Variants in NRG1 observed in about 807,000 individuals in gnomAD.
The protein encoded by NRG1 is pro-neuregulin-1, membrane-bound isoform.
A neutral mutation model predicts 63.8 loss-of-function variants in NRG1; 18 were observed. The observed-to-expected ratio is 0.28, with a 90% CI of 0.19 to 0.42. The LOEUF (loss-of-function observed/expected upper bound fraction) is 0.42. Ranked by LOEUF, NRG1 falls within the 10% of genes least tolerant of loss-of-function variation. The pLI is 1.00. For missense variants in NRG1, 762 were observed against 814.7 expected (o/e 0.94, Z 0.79); for synonymous variants, 302 against 301.3 (o/e 1.00, Z -0.02).
At chr8:32,015,997 T>C (rs866881191) in intron 1 of NRG1, among the ~76,000 whole-genome samples, 4 of 152,178 alleles carry the variant, frequency 2.6e-5, no homozygotes, top group African/African-American at 7.2e-5. Flanking sequence ...TTTGACATTG[T>C]AGTACAACAT....
At chr8:32,366,554 C>T (rs1451118106) in intron 1 of NRG1, among the ~76,000 whole-genome samples, 1 of 150,746 alleles carries the variant, frequency 6.6e-6, no homozygotes, top group East Asian at 1.9e-4. Flanking sequence ...GAATAGTAAT[C>T]CATTGTATGT....
At position 31,996,453 on chromosome 8, in the gene NRG1, C is replaced by T. The variant is rs188533164; in HGVS notation, c.37+357022C>T. Reference sequence around the variant, plus strand: ...TACTGACTTACTGGAAATCCCAGGCCGGGCACGGAGGTTCATTCCTGTAAT... The same window carrying T: ...TACTGACTTACTGGAAATCCCAGGCTGGGCACGGAGGTTCATTCCTGTAAT... On this transcript the variant is annotated intron_variant, in intron 1 of 10. Coordinates refer to the NRG1 transcript ENST00000519301. 1.1e-3 allele frequency among the ~76,000 whole-genome samples: 166 copies of T among 152,032 alleles called. 1 individual carries two copies. The South Asian group carries it at 0.016, about 15-fold the overall frequency.
intron 1 of NRG1, among the ~76,000 whole-genome samples, chr8:32,003,542 G>C (rs576331308): frequency 7.9e-5 from 12 of 152,010 alleles, no homozygotes. Context: ...GATAGAAAAA[G>C]TGAAATAAAG....
intron 1 of NRG1, among the ~76,000 whole-genome samples, chr8:32,366,673 G>GTATATATATATA (rs1270263657): frequency 7.0e-5 from 3 of 42,976 alleles, no homozygotes; most frequent in African/African-American, 1.7e-4. Flanking sequence ...GTGTGTGTGT[G>GTATATATATATA]TGTGTATATA....
intron 1 of NRG1, among the ~76,000 whole-genome samples, chr8:31,884,605 G>A (rs547270484): frequency 1.3e-5 from 2 of 152,128 alleles, no homozygotes; most frequent in South Asian, 2.1e-4. Flanking sequence ...CTAAATTTAT[G>A]TAAAAAAATG....
At chr8:32,695,093 T>A (rs1192930720) in intron 5 of NRG1, among the ~76,000 whole-genome samples, 5 of 152,152 alleles carry the variant, frequency 3.3e-5, no homozygotes, top group Non-Finnish European at 5.9e-5. Context: ...TGGTGGCTCA[T>A]GCCTGTAATC....
chr8:32,183,994 G>A (rs76022868), intron 1 of NRG1, among the ~76,000 whole-genome samples: 3 of 152,012 alleles, frequency 2.0e-5, no homozygotes, highest in African/African-American at 7.2e-5. Flanking sequence ...CACAACTAGG[G>A]TATATAGTTT....
intron 5 of NRG1, among the ~76,000 whole-genome samples, chr8:32,717,327 T>C (rs564426589): frequency 6.6e-6 from 1 of 152,214 alleles, no homozygotes; most frequent in Non-Finnish European, 1.5e-5. Context: ...CCTGTTCAGA[T>C]TGGTCATGAG....
At chr8:32,105,630 A>G (rs942728466) in intron 1 of NRG1, among the ~76,000 whole-genome samples, 2 of 152,122 alleles carry the variant, frequency 1.3e-5, no homozygotes, top group African/African-American at 4.8e-5. Flanking sequence ...GCAGTTGAAT[A>G]GTTTTTTTTA....
At chr8:32,200,096 G>T (rs573907072) in intron 1 of NRG1, among the ~76,000 whole-genome samples, 2 of 152,168 alleles carry the variant, frequency 1.3e-5, no homozygotes, top group East Asian at 3.9e-4. Flanking sequence ...AACATTTAAT[G>T]GACTCACCAG....
In NRG1 at chr8:32,157,973, C is replaced by T. The variant is rs538191922; in HGVS notation, c.38-437855C>T. The stretch of plus-strand genomic sequence containing the variant: ...CTCTTCCTTATACACTTTCCACTTT[C>T]CCAAACTCTGTCCCGGGATGCTGAC... On this transcript the variant is annotated intron_variant, in intron 1 of 10. Transcript: ENST00000519301. 7.9e-5 allele frequency among the ~76,000 whole-genome samples: 12 copies of T among 152,298 alleles called. No individual in the cohort carries two copies. The South Asian group carries it at 2.5e-3, about 32-fold the overall frequency.
In NRG1 at chr8:31,704,024, C is replaced by T. The variant is rs2068352; in HGVS notation, c.37+64593C>T. Among the ~76,000 whole-genome samples the T allele has an allele frequency of 2.9e-3, 445 of 152,326 alleles. 5 individuals carry two copies. The highest frequency in any genetic ancestry group is 9.1e-3 in the African/African-American group (380 of 41,578). ...GTTGCTACCCTACTTAAATGAATCTCCAATGCTTCCTAATTGTTACTTCTT... is the reference window on the plus strand; with the variant it reads ...GTTGCTACCCTACTTAAATGAATCTTCAATGCTTCCTAATTGTTACTTCTT... On this transcript the variant is annotated intron_variant, in intron 1 of 10. Transcript: ENST00000519301.
intron 1 of NRG1, among the ~76,000 whole-genome samples, chr8:32,351,390 T>C (rs533757855): frequency 1.3e-5 from 2 of 152,304 alleles, no homozygotes; most frequent in East Asian, 3.9e-4. Context: ...GGAAAGAGGA[T>C]GATATGTTTT....
intron 1 of NRG1, among the ~76,000 whole-genome samples, chr8:31,848,510 T>C (rs1826901310): frequency 6.7e-6 from 1 of 149,062 alleles, no homozygotes; most frequent in Non-Finnish European, 1.5e-5. Context: ...CCCTGGGCCA[T>C]GGACCAGTAT....
At chr8:32,402,742 C>G (rs1285302365) in intron 1 of NRG1, among the ~76,000 whole-genome samples, 2 of 152,110 alleles carry the variant, frequency 1.3e-5, no homozygotes, top group East Asian at 1.9e-4. Flanking sequence ...AGTGAAAACT[C>G]TTAATAAGGA....
At chr8:32,296,350 G>A (rs918183199) in intron 1 of NRG1, among the ~76,000 whole-genome samples, 3 of 152,142 alleles carry the variant, frequency 2.0e-5, no homozygotes, top group Non-Finnish European at 4.4e-5. Flanking sequence ...AGCCCTTTGG[G>A]GGGCTGAGAG....
chr8:32,076,743 T>C (rs959712640), intron 1 of NRG1, among the ~76,000 whole-genome samples: 2 of 151,266 alleles, frequency 1.3e-5, no homozygotes, highest in African/African-American at 2.4e-5. Context: ...AATTAAGTCA[T>C]GTAGATGCGT....
intron 1 of NRG1, among the ~76,000 whole-genome samples, chr8:31,695,023 TCA>T (rs1458809395): frequency 1.3e-5 from 2 of 152,166 alleles, no homozygotes; most frequent in Non-Finnish European, 1.5e-5. Context: ...TTTAATTGAC[TCA>T]CAGTTCTGCA....
intron 1 of NRG1, among the ~76,000 whole-genome samples, chr8:32,540,890 G>A (rs1832509937): frequency 7.1e-6 from 1 of 141,344 alleles, no homozygotes; most frequent in South Asian, 2.4e-4. Context: ...GTAATCTTCT[G>A]CATGGTTGGT....
Sources: gnomAD v4.1 joint callset for allele counts (sites outside exome capture counted in the v4.1 genomes callset) on GRCh38, gnomAD v4.1.1 for gene constraint, MANE v1.5 for transcripts, NCBI Gene and HGNC (gene_info 2026-07-23, HGNC 2026-07-21) for gene names.